NTRK3: variants seen among roughly 807,000 people sequenced by gnomAD.
NTRK3 encodes NT-3 growth factor receptor.
In NTRK3, 24 loss-of-function variants were observed where a neutral mutation model predicts 91.7. That is an observed-to-expected ratio of 0.26 (90% CI 0.19 to 0.37). The LOEUF (loss-of-function observed/expected upper bound fraction) is 0.37. Among genes scored for constraint, NTRK3 ranks in the 10% least tolerant of loss-of-function variants. NTRK3 has a pLI of 1.00. For missense variants in NTRK3, 880 were observed against 1,068.9 expected (o/e 0.82, Z 2.46); for synonymous variants, 483 against 404.0 (o/e 1.20, Z -2.34).
In NTRK3 at chr15:88,184,248, C is replaced by T. The variant is rs767685234; in HGVS notation, c.300G>A (p.Glu100=). 1.2e-5 allele frequency: 19 copies of T among 1,614,016 alleles called. No homozygotes were observed. In the East Asian group the frequency reaches 3.8e-4, roughly 32 times the overall value. The change falls in exon 4 of 19, where the codon GAG becomes GAA. Residue 100 remains glutamate (E), a synonymous_variant. Transcript: ENST00000394480. ...ACAGCTTTTGAAGTCCGGTGTAGAG[C>T]TCCATGTCCACGGCGTTGAGCGTGT...
intron 3 of NTRK3, among the ~76,000 whole-genome samples, chr15:88,191,168 G>A (rs1343146406): frequency 3.9e-5 from 3 of 77,810 alleles, no homozygotes; most frequent in South Asian, 3.5e-4. Flanking sequence ...TTTCCCGTGT[G>A]TGTGTGTGTG....
At chr15:87,933,133 C>G (rs780933441) in exon 16 of NTRK3, 19 of 1,614,092 alleles carry the variant, frequency 1.2e-5, no homozygotes, top group Non-Finnish European at 1.6e-5. Flanking sequence ...GTGAGCAGCT[C>G]GGCCTCCCTC....
intron 13 of NTRK3, among the ~76,000 whole-genome samples, chr15:88,076,672 TAA>T (rs34053167): frequency 0.015 from 1,773 of 120,366 alleles, 11 homozygotes; most frequent in African/African-American, 0.022. Flanking sequence ...TATACATATG[TAA>T]AAAAAAAAAA....
chr15:88,186,772 T>C (rs996743182), intron 3 of NTRK3, among the ~76,000 whole-genome samples: 3 of 152,220 alleles, frequency 2.0e-5, no homozygotes, highest in African/African-American at 4.8e-5. Flanking sequence ...GAATAGTTGC[T>C]ACAGAGGCCA....
intron 14 of NTRK3, among the ~76,000 whole-genome samples, chr15:87,958,218 T>C (rs1170866032): frequency 2.0e-5 from 3 of 152,148 alleles, no homozygotes; most frequent in Admixed American, 1.3e-4. Flanking sequence ...CAGTGGCATA[T>C]ATAGGATGCT....
At chr15:88,030,058 A>G (rs568379652) in intron 14 of NTRK3, among the ~76,000 whole-genome samples, 1 of 152,328 alleles carries the variant, frequency 6.6e-6, no homozygotes, top group South Asian at 2.1e-4. Flanking sequence ...ATGGAACAGA[A>G]AGTCCCACTT....
chr15:88,110,004 T>C (rs2051153632), intron 13 of NTRK3, among the ~76,000 whole-genome samples: 2 of 152,154 alleles, frequency 1.3e-5, no homozygotes, highest in African/African-American at 4.8e-5. Context: ...ATGATAAGAA[T>C]TATCCCTCTC....
At chr15:88,213,733 G>A (rs1026847672) in intron 3 of NTRK3, among the ~76,000 whole-genome samples, 12 of 152,222 alleles carry the variant, frequency 7.9e-5, no homozygotes, top group African/African-American at 2.6e-4. Context: ...AGAAGAAACC[G>A]AGGCACAGAG....
intron 17 of NTRK3, among the ~76,000 whole-genome samples, chr15:87,884,435 A>G (rs1376289505): frequency 1.3e-5 from 2 of 151,716 alleles, no homozygotes; most frequent in Non-Finnish European, 3.0e-5. Context: ...AAGCAAAAAA[A>G]GATAGAAACT....
intron 13 of NTRK3, among the ~76,000 whole-genome samples, chr15:88,100,677 T>C (rs1285972580): frequency 3.9e-5 from 6 of 152,182 alleles, no homozygotes; most frequent in Admixed American, 3.9e-4. Context: ...TCTGAGTGAA[T>C]GCCTGGGGCT....
chr15:87,979,611 G>A (rs140410782), intron 14 of NTRK3: 10,013 of 652,472 alleles, frequency 0.015, 116 homozygotes, highest in Middle Eastern at 0.049. Flanking sequence ...TAGGAGGAGG[G>A]GATTAACTTA....
rs371565452 is a variant in NTRK3 at position 88,243,567 on chromosome 15, C to CAT, written c.248+12338_248+12339insAT. 1.5e-3 allele frequency among the ~76,000 whole-genome samples: 224 copies of CAT among 150,546 alleles called. 2 individuals are homozygous for CAT. The East Asian group carries it at 0.017, about 12-fold the overall frequency. On this transcript the variant is annotated intron_variant, in intron 3 of 18. Transcript: ENST00000394480. The surrounding 1 kb of genome is among the most constrained non-coding windows in gnomAD (Gnocchi z 4.8). ...ACACACACACACACACACACACACA[C>CAT]ACACACACACTGAGCAAAAGGTATT... is the stretch of plus-strand genomic sequence containing the variant.
rs200309444 is a variant in NTRK3, at chr15:88,019,989, G to GA, written c.1585+12867dup. On this transcript the variant is annotated intron_variant, in intron 14 of 18. Transcript: ENST00000394480. The stretch of plus-strand genomic sequence containing the variant: ...AAGATCCTATGTGTAAGTTTGCTAA[G>GA]AAAAAACAAAAGGGCTGTGCACTCA... Among the ~76,000 whole-genome samples the GA allele has an allele frequency of 2.2e-4, 34 of 152,256 alleles. 1 individual carries two copies. In the East Asian group the frequency reaches 6.2e-3, roughly 28 times the overall value.
chr15:87,966,269 A>T (rs1190406387), intron 14 of NTRK3, among the ~76,000 whole-genome samples: 1 of 152,186 alleles, frequency 6.6e-6, no homozygotes, highest in Non-Finnish European at 1.5e-5. Context: ...CACATGTCTA[A>T]AATTTGGAAG....
chr15:88,147,800 G>A (rs549597903), intron 5 of NTRK3, among the ~76,000 whole-genome samples: 27 of 152,136 alleles, frequency 1.8e-4, no homozygotes, highest in African/African-American at 5.8e-4. Flanking sequence ...CACGCACACA[G>A]GTCAAAAAAC....
chr15:88,050,520 T>G (rs956434759), intron 13 of NTRK3, among the ~76,000 whole-genome samples: 1 of 143,030 alleles, frequency 7.0e-6, no homozygotes, highest in Non-Finnish European at 1.5e-5. Flanking sequence ...TGTGTGTATG[T>G]GTGTGTGTGT....
In NTRK3 at chr15:87,916,401, G is replaced by A. The variant is rs748241714; in HGVS notation, c.2133+12790C>T. 2.5e-5 allele frequency: 16 copies of A among 638,544 alleles called. 1 individual carries two copies. Among genetic ancestry groups the A allele is most frequent in the East Asian group, 1.1e-4 (4 of 36,354 alleles). The allele number at this position is 638,544 out of a possible 1,614,324, so 39.6% of individuals were successfully genotyped here. A position where few individuals can be genotyped will look rare whatever the true frequency, so the allele number is the denominator to read the frequency against. On this transcript the variant is annotated intron_variant, in intron 17 of 18. Transcript: ENST00000394480. ...GGGCCCTCCACAGGAGTAGAGAGAC[G>A]TGAATGACTCAACACCAGATTCAAT...
intron 17 of NTRK3, among the ~76,000 whole-genome samples, chr15:87,898,822 C>A (rs1330121541): frequency 5.7e-4 from 24 of 42,044 alleles, no homozygotes; most frequent in Non-Finnish European, 8.4e-4. Context: ...TCTGTCTCTA[C>A]TAAAAAAAAA....
At chr15:87,886,677 T>C (rs888102264) in intron 17 of NTRK3, among the ~76,000 whole-genome samples, 2 of 31,972 alleles carry the variant, frequency 6.3e-5, no homozygotes, top group African/African-American at 1.9e-4. Flanking sequence ...CACTTTTTGC[T>C]ATATATATAT....
Sources: allele counts gnomAD v4.1 joint callset (sites outside exome capture counted in the v4.1 genomes callset), GRCh38; gene constraint gnomAD v4.1.1; non-coding constraint Gnocchi (gnomAD v3.1); transcripts MANE v1.5; gene names NCBI Gene and HGNC (gene_info 2026-07-23, HGNC 2026-07-21).